The following RBFOX1 variants were observed in gnomAD, a reference collection of about 807,000 sequenced individuals.
RBFOX1 encodes the protein RNA binding fox-1 homolog 1.
A neutral mutation model predicts 57.7 loss-of-function variants in RBFOX1; 8 were observed. The ratio of observed to expected loss-of-function variants is 0.14; its 90% CI spans 0.08 to 0.25. The LOEUF (loss-of-function observed/expected upper bound fraction) is 0.25, where lower values mean the gene tolerates loss of function less well. RBFOX1 is among the 10% of genes least tolerant of loss of function. The pLI, the probability that RBFOX1 is intolerant of heterozygous loss-of-function variation, is 1.00. For missense variants in RBFOX1, 611 were observed against 548.5 expected, an observed-to-expected ratio of 1.11 and a Z score of -1.14; for synonymous variants, 326 against 222.4, an observed-to-expected ratio of 1.47 and a Z score of -4.15.
At chr16:5,460,737 AT>A (rs2068762248) in intron 1 of RBFOX1, among the ~76,000 whole-genome samples, 1 of 152,202 alleles carries the variant, frequency 6.6e-6, no homozygotes, top group East Asian at 1.9e-4. Flanking sequence ...TGCTAAAGTA[AT>A]CCTAATCTTC....
intron 1 of RBFOX1, among the ~76,000 whole-genome samples, chr16:6,092,007 C>G (rs2096182211): frequency 1.3e-5 from 2 of 152,200 alleles, no homozygotes; most frequent in Admixed American, 6.5e-5. Flanking sequence ...CTCCATCTAT[C>G]TACCTACCTG....
chr16:5,389,816 G>C (rs1026126826), intron 1 of RBFOX1, among the ~76,000 whole-genome samples: 14 of 151,954 alleles, frequency 9.2e-5, no homozygotes, highest in Non-Finnish European at 1.9e-4. Flanking sequence ...TTCTGCCTCA[G>C]CTTCCTGAGT....
At chr16:6,413,049 G>A (rs1011617472) in intron 2 of RBFOX1, among the ~76,000 whole-genome samples, 1 of 152,210 alleles carries the variant, frequency 6.6e-6, no homozygotes, top group East Asian at 1.9e-4. Flanking sequence ...GCCAGGTACA[G>A]TGCCTCATGC....
chr16:6,327,559 T>C (rs2082520285), intron 2 of RBFOX1, among the ~76,000 whole-genome samples: 1 of 152,202 alleles, frequency 6.6e-6, no homozygotes, highest in Non-Finnish European at 1.5e-5. Context: ...TTGCCCATAA[T>C]GAGGACTCAG....
At chr16:5,835,549 A>G (rs1003620691) in intron 3 of RBFOX1, among the ~76,000 whole-genome samples, 3 of 152,156 alleles carry the variant, frequency 2.0e-5, no homozygotes, top group Non-Finnish European at 2.9e-5. Flanking sequence ...GATCTACTGA[A>G]TCAGCATCTT....
At position 5,955,310 on chromosome 16, in the gene RBFOX1, A is replaced by G. The variant is rs1452059745; in HGVS notation, c.351+87975A>G. Among the ~76,000 whole-genome samples the G allele has an allele frequency of 2.1e-3, 55 of 26,482 alleles. 1 individual carries two copies. Among genetic ancestry groups the G allele is most frequent in the South Asian group, 7.4e-3 (7 of 944 alleles). The allele number at this position is 26,482 out of a possible 152,430, so 17.4% of individuals were successfully genotyped here. A position where few individuals can be genotyped will look rare whatever the true frequency, so the allele number is the denominator to read the frequency against. On this transcript the variant is annotated intron_variant, in intron 4 of 19. Coordinates refer to the RBFOX1 transcript ENST00000641259. Reference sequence around the variant, plus strand: ...ATAAAATAAAATAAAATAAAATAAAATAAAATAAAATAAAATAAAATAAAA... The same window carrying G: ...ATAAAATAAAATAAAATAAAATAAAGTAAAATAAAATAAAATAAAATAAAA...
At chr16:6,835,270 C>T (rs889972752) in intron 3 of RBFOX1, among the ~76,000 whole-genome samples, 3 of 152,130 alleles carry the variant, frequency 2.0e-5, no homozygotes, top group Non-Finnish European at 2.9e-5. Context: ...AACACAGCTG[C>T]TATGCGGGTT....
intron 1 of RBFOX1, among the ~76,000 whole-genome samples, chr16:5,267,205 A>G (rs1477191959): frequency 2.6e-5 from 4 of 152,232 alleles, no homozygotes; most frequent in Non-Finnish European, 5.9e-5. Context: ...GGACTTTGCT[A>G]AAATCTTGTG....
chr16:7,078,736 G>A (rs1335946809), intron 4 of RBFOX1, among the ~76,000 whole-genome samples: 1 of 148,868 alleles, frequency 6.7e-6, no homozygotes, highest in Non-Finnish European at 1.5e-5. Context: ...AGGCTGGAGT[G>A]CAATGGCATG....
intron 3 of RBFOX1, among the ~76,000 whole-genome samples, chr16:6,796,761 G>C (rs761443018): frequency 1.3e-5 from 2 of 152,112 alleles, no homozygotes; most frequent in African/African-American, 4.8e-5. Context: ...ATGAAGATGG[G>C]CCTACATCTG....
chr16:7,600,927 C>A (rs1426614719), intron 9 of RBFOX1, among the ~76,000 whole-genome samples: 1 of 152,312 alleles, frequency 6.6e-6, no homozygotes, highest in East Asian at 1.9e-4. Flanking sequence ...AAAAGTTCCA[C>A]AAAGAGGGGA....
intron 5 of RBFOX1, among the ~76,000 whole-genome samples, chr16:7,538,662 G>A (rs543155570): frequency 1.3e-5 from 2 of 152,202 alleles, no homozygotes; most frequent in East Asian, 3.9e-4. Flanking sequence ...ATGCATTGCT[G>A]CCTAACAAAC....
chr16:7,401,563 A>G (rs993295301), intron 4 of RBFOX1, among the ~76,000 whole-genome samples: 2 of 152,224 alleles, frequency 1.3e-5, no homozygotes, highest in Non-Finnish European at 2.9e-5. Flanking sequence ...GCCTCTGGGC[A>G]GAAGAAATTT....
rs184384037 is a variant in RBFOX1 at position 5,721,571 on chromosome 16, C to T, written c.318+122610C>T. 3.6e-4 allele frequency among the ~76,000 whole-genome samples: 55 copies of T among 152,294 alleles called. No individual in the cohort carries two copies. In the East Asian group the frequency reaches 4.4e-3, roughly 12 times the overall value. On this transcript the variant is annotated intron_variant, in intron 3 of 19. Transcript: ENST00000641259. ...ATCTTAGGGGAAGGCATTCAGTCTT[C>T]GGCCATTGCGTATGATGCCACCTGG...
chr16:5,951,705 T>G (rs13332249), intron 4 of RBFOX1, among the ~76,000 whole-genome samples: 4 of 151,870 alleles, frequency 2.6e-5, no homozygotes, highest in African/African-American at 9.7e-5. Flanking sequence ...TCTTCACAGG[T>G]AGCCACTTCC....
rs2059397777 is a variant in RBFOX1 at position 5,946,242 on chromosome 16, C to G, written c.351+78907C>G. On this transcript the variant is annotated intron_variant, in intron 4 of 19. Coordinates refer to the RBFOX1 transcript ENST00000641259. This position sits in a 1 kb window ranked among gnomAD's most constrained non-coding sequence, Gnocchi z 4.6. ...GATGCCTTCACGTCTCTAAGTGTCT[C>G]TAAGTCTCAGCTTTCTAATCTGTAA... 1.3e-5 allele frequency among the ~76,000 whole-genome samples: 2 copies of G among 152,188 alleles called. No individual in the cohort carries two copies. The highest frequency in any genetic ancestry group is 4.1e-4 in the South Asian group (2 of 4,828).
intron 4 of RBFOX1, among the ~76,000 whole-genome samples, chr16:7,483,098 T>C (rs563185843): frequency 2.0e-5 from 3 of 152,280 alleles, no homozygotes; most frequent in African/African-American, 7.2e-5. Context: ...TTTATTCACC[T>C]TCCTCAAGTT....
intron 5 of RBFOX1, among the ~76,000 whole-genome samples, chr16:7,566,146 T>A (rs1337179744): frequency 6.6e-6 from 1 of 152,196 alleles, no homozygotes; most frequent in Non-Finnish European, 1.5e-5. Flanking sequence ...AAGCATTTGA[T>A]AGAGTGTTTA....
chr16:7,314,686 A>G (rs1201534536), intron 4 of RBFOX1, among the ~76,000 whole-genome samples: 1 of 152,146 alleles, frequency 6.6e-6, no homozygotes, highest in Non-Finnish European at 1.5e-5. Flanking sequence ...GCATAAAGAG[A>G]TTCAGATCAC....
Sources: gnomAD v4.1 joint callset for allele counts (sites outside exome capture counted in the v4.1 genomes callset) on GRCh38, gnomAD v4.1.1 for gene constraint, Gnocchi (gnomAD v3.1) non-coding constraint, MANE v1.5 for transcripts, NCBI Gene and HGNC (gene_info 2026-07-23, HGNC 2026-07-21) for gene names.